Variants in MPDZ observed in about 807,000 individuals in gnomAD.
MPDZ encodes multiple PDZ domain protein.
MPDZ carries 234 observed loss-of-function variants against 239.1 expected under a neutral mutation model. The ratio of observed to expected loss-of-function variants is 0.98; its 90% CI spans 0.88 to 1.09. The LOEUF (loss-of-function observed/expected upper bound fraction) is 1.09. MPDZ is among the 50% of genes least tolerant of loss of function. The pLI is 0.00. For missense variants in MPDZ, 3,175 were observed against 2,510.0 expected, an observed-to-expected ratio of 1.26 and a Z score of -5.66; for synonymous variants, 1,048 against 881.3, an observed-to-expected ratio of 1.19 and a Z score of -3.35.
intron 3 of MPDZ, among the ~76,000 whole-genome samples, chr9:13,225,941 C>T (rs1325542953): frequency 6.6e-6 from 1 of 152,038 alleles, no homozygotes; most frequent in East Asian, 1.9e-4. Context: ...GCATCCTTTC[C>T]CTACCATAGA....
intron 1 of MPDZ, among the ~76,000 whole-genome samples, chr9:13,274,886 A>G (rs1478400913): frequency 6.6e-6 from 1 of 152,200 alleles, no homozygotes; most frequent in East Asian, 1.9e-4. Context: ...AAGAACCATT[A>G]AAAGAAATAT....
intron 1 of MPDZ, among the ~76,000 whole-genome samples, chr9:13,271,105 C>T (rs190635616): frequency 9.8e-4 from 149 of 152,278 alleles, no homozygotes; most frequent in African/African-American, 3.2e-3. Context: ...TTTACTTAAT[C>T]ATCTCCTATC....
At chr9:13,146,673 G>A (rs946812251) in intron 26 of MPDZ, among the ~76,000 whole-genome samples, 33 of 151,850 alleles carry the variant, frequency 2.2e-4, no homozygotes, top group Admixed American at 7.9e-4. Context: ...TGCAATTTTT[G>A]AATGGATGTG....
At chr9:13,123,642 C>G (rs1944694905) in intron 35 of MPDZ, among the ~76,000 whole-genome samples, 1 of 152,104 alleles carries the variant, frequency 6.6e-6, no homozygotes, top group African/African-American at 2.4e-5. Flanking sequence ...CTTTGATATT[C>G]TCCATTTCAA....
At chr9:13,275,353 T>A (rs540439009) in intron 1 of MPDZ, among the ~76,000 whole-genome samples, 3 of 152,266 alleles carry the variant, frequency 2.0e-5, no homozygotes, top group African/African-American at 7.2e-5. Context: ...GGAGGGCATG[T>A]GAAGAAACAG....
chr9:13,269,028 T>A (rs911685810), intron 1 of MPDZ, among the ~76,000 whole-genome samples: 1 of 151,544 alleles, frequency 6.6e-6, no homozygotes, highest in Non-Finnish European at 1.5e-5. Flanking sequence ...AAAAACCTCA[T>A]AGAAAAAGAT....
intron 12 of MPDZ, among the ~76,000 whole-genome samples, chr9:13,198,555 GT>G (rs1955940244): frequency 6.6e-6 from 1 of 151,686 alleles, no homozygotes; most frequent in East Asian, 1.9e-4. Flanking sequence ...TTATATTGTT[GT>G]TACCTTTGCT....
intron 3 of MPDZ, among the ~76,000 whole-genome samples, chr9:13,229,604 ACC>A (rs201355436): frequency 1.0e-4 from 15 of 147,224 alleles, no homozygotes; most frequent in East Asian, 3.9e-4. Flanking sequence ...ACACACACAC[ACC>A]CCCATCCACC....
chr9:13,122,681 T>C (rs1353546828), intron 36 of MPDZ, among the ~76,000 whole-genome samples: 1 of 152,118 alleles, frequency 6.6e-6, no homozygotes, highest in Non-Finnish European at 1.5e-5. Flanking sequence ...CATGCCTAGC[T>C]AGTTTTTGTA....
chr9:13,246,495 AAC>A (rs1240829537), intron 3 of MPDZ, among the ~76,000 whole-genome samples: 1 of 152,192 alleles, frequency 6.6e-6, no homozygotes, highest in Non-Finnish European at 1.5e-5. Context: ...AAAGGAGACA[AAC>A]ACAACTACAT....
chr9:13,122,083 A>T lies in MPDZ; in HGVS notation c.5037+4T>A, dbSNP rs765217720. On this transcript the variant is annotated splice_donor_region_variant and intron_variant, in intron 37 of 46. Coordinates refer to ENST00000319217, the MANE Select transcript of MPDZ (RefSeq NM_001378778.1). Reference sequence around the variant, plus strand: ...TTTGAAGGTCAAAAACAGGCATTCTATACCTCTAAGATCTGATCTCCAGCC... The same window carrying T: ...TTTGAAGGTCAAAAACAGGCATTCTTTACCTCTAAGATCTGATCTCCAGCC... 6.2e-7 allele frequency: 1 copy of T among 1,611,910 alleles called. No homozygotes were observed. Among genetic ancestry groups the T allele is most frequent in the African/African-American group, 1.3e-5 (1 of 74,876 alleles).
intron 3 of MPDZ, among the ~76,000 whole-genome samples, chr9:13,235,678 A>C (rs1302000908): frequency 5.3e-5 from 8 of 152,192 alleles, no homozygotes; most frequent in Non-Finnish European, 1.2e-4. Flanking sequence ...AATTTAGAAA[A>C]TAAGTCCTTA....
chr9:13,150,393 G>A (rs1949002290), intron 25 of MPDZ, 118 bp downstream of exon 25: 5 of 641,654 alleles, frequency 7.8e-6, no homozygotes, highest in Non-Finnish European at 9.0e-6. Context: ...GGGTGGAGCA[G>A]GTGAAAAATT....
intron 44 of MPDZ, 138 bp downstream of exon 44, chr9:13,110,498 A>T: frequency 1.5e-6 from 1 of 684,712 alleles, no homozygotes; most frequent in South Asian, 1.9e-5. Flanking sequence ...GGAACTCTTA[A>T]TTTAATCATT....
chr9:13,131,935 A>C (rs1563866035), intron 32 of MPDZ, among the ~76,000 whole-genome samples: 1 of 152,184 alleles, frequency 6.6e-6, no homozygotes, highest in Non-Finnish European at 1.5e-5. Flanking sequence ...ACTTAAAATC[A>C]TTAAAATCAT....
In MPDZ at chr9:13,110,757, G is replaced by C; in HGVS notation, c.5725-17C>G. 1.3e-6 allele frequency: 2 copies of C among 1,596,734 alleles called. No homozygotes were observed. The highest frequency in any genetic ancestry group is 1.7e-6 in the Non-Finnish European group (2 of 1,167,204). On this transcript the variant is annotated splice_polypyrimidine_tract_variant and intron_variant, in intron 43 of 46. Coordinates refer to ENST00000319217, the MANE Select transcript of MPDZ (RefSeq NM_001378778.1). ...ATCCCCAACCTGCAAGGGAGAGAAA[G>C]AAACAGCCATCTGCTAAAGCAGCCA...
chr9:13,142,743 T>C (rs533606429), intron 27 of MPDZ, among the ~76,000 whole-genome samples: 2 of 152,146 alleles, frequency 1.3e-5, no homozygotes, highest in Non-Finnish European at 2.9e-5. Flanking sequence ...ATAGCATCTT[T>C]GGTTATCCAT....
At chr9:13,149,008 A>G (rs909904502) in intron 25 of MPDZ, among the ~76,000 whole-genome samples, 2 of 151,938 alleles carry the variant, frequency 1.3e-5, no homozygotes, top group East Asian at 1.9e-4. Context: ...CTCTTTTGCT[A>G]TTTAGGTCAA....
Position 13,224,424 on chromosome 9 carries a change from C to A in MPDZ, c.343G>T (p.Gly115Trp). 6.2e-7 allele frequency: 1 copy of A among 1,612,744 alleles called. No individual in the cohort carries two copies. Among genetic ancestry groups the A allele is most frequent in the Non-Finnish European group, 8.5e-7 (1 of 1,179,220 alleles). ...TCAAATTCATCACAAGCAGGTTTCC[C>A]ATTAATGTGTGGAATACCAGGTCCT... is the stretch of plus-strand genomic sequence containing the variant. The part of the protein sequence containing the change: ...LTGPGIPHIN[G>W]KPACDEFDQL... The change falls in exon 4 of 47, where the codon GGG becomes TGG. Residue 115 changes from glycine (G) to tryptophan (W), a missense_variant. Coordinates refer to ENST00000319217, the MANE Select transcript of MPDZ (RefSeq NM_001378778.1).
Sources: allele counts gnomAD v4.1 joint callset (sites outside exome capture counted in the v4.1 genomes callset), GRCh38; gene constraint gnomAD v4.1.1; transcripts MANE v1.5; gene names NCBI Gene and HGNC (gene_info 2026-07-23, HGNC 2026-07-21).